ACACB: variants seen among roughly 807,000 people sequenced by gnomAD.
The protein encoded by ACACB is acetyl-CoA carboxylase 2.
A neutral mutation model predicts 278.8 loss-of-function variants in ACACB; 209 were observed. That is an observed-to-expected ratio of 0.75 (90% CI 0.67 to 0.84). ACACB has a LOEUF of 0.84. Among genes scored for constraint, ACACB ranks in the 40% least tolerant of loss-of-function variants. The pLI is 0.00. For synonymous variants in ACACB, 1,174 were observed against 1,285.6 expected, an observed-to-expected ratio of 0.91 and a Z score of 1.86; for missense variants, 2,850 against 3,269.0, an observed-to-expected ratio of 0.87 and a Z score of 3.13.
At chr12:109,133,902 T>C in intron 1 of ACACB, among the ~76,000 whole-genome samples, 1 of 100,504 alleles carries the variant, frequency 9.9e-6, no homozygotes, top group South Asian at 3.2e-4. Flanking sequence ...AGCACACAGG[T>C]TTTTTTTTTT....
intron 24 of ACACB, 51 bp from the exon 25 acceptor site, chr12:109,222,456 G>A (rs367658350): frequency 1.3e-6 from 2 of 1,559,900 alleles, no homozygotes; most frequent in African/African-American, 2.7e-5. Context: ...AGTGCTGCAT[G>A]TTTCCCTGGG....
At chr12:109,166,598 C>T (rs916146701) in intron 2 of ACACB, among the ~76,000 whole-genome samples, 1 of 135,046 alleles carries the variant, frequency 7.4e-6, no homozygotes, top group African/African-American at 2.7e-5. Context: ...TGCAGCGAGC[C>T]ACGATTGCAC....
At chr12:109,233,634 T>C (rs1400278476) in intron 29 of ACACB, 114 bp from the exon 30 acceptor site, 7 of 834,754 alleles carry the variant, frequency 8.4e-6, no homozygotes, top group African/African-American at 1.7e-5. Flanking sequence ...GATCAAAGGG[T>C]GTTGGCTGGG....
intron 28 of ACACB, 66 bp from the exon 29 acceptor site, chr12:109,232,603 A>G (rs2046504552): frequency 6.4e-7 from 1 of 1,562,132 alleles, no homozygotes; most frequent in Non-Finnish European, 8.7e-7. Flanking sequence ...CTTCAGGAGT[A>G]GGAGCAGCTC....
intron 17 of ACACB, 142 bp downstream of exon 17, chr12:109,197,295 G>A: frequency 9.3e-7 from 1 of 1,077,988 alleles, no homozygotes; most frequent in Non-Finnish European, 1.3e-6. Context: ...GGTGTGCAGA[G>A]AAGTTAATCT....
At chr12:109,160,174 C>A (rs1593432230) in intron 2 of ACACB, among the ~76,000 whole-genome samples, 2 of 151,520 alleles carry the variant, frequency 1.3e-5, no homozygotes. Flanking sequence ...ATATAAGAGG[C>A]CATATGTGTA....
Position 109,168,012 on chromosome 12 carries a change from C to G in ACACB, c.903C>G (p.Pro301=). ...RAIRFVVMVT[P]EDLKANAEYI... ...TCCGGTTTGTTGTGATGGTGACCCCCGAGGACCTTAAGGCCAACGCAGGTA... is the reference window on the plus strand; with the variant it reads ...TCCGGTTTGTTGTGATGGTGACCCCGGAGGACCTTAAGGCCAACGCAGGTA... The change falls in exon 4 of 53, where the codon CCC becomes CCG. Residue 301 remains proline (P), a synonymous_variant. Coordinates refer to ENST00000338432, the MANE Select transcript of ACACB (RefSeq NM_001093.4). 6.2e-7 allele frequency: 1 copy of G among 1,612,876 alleles called. No individual in the cohort carries two copies. The highest frequency in any genetic ancestry group is 8.5e-7 in the Non-Finnish European group (1 of 1,179,348).
intron 16 of ACACB, among the ~76,000 whole-genome samples, chr12:109,194,511 C>CGCGTGTGT (rs529461816): frequency 1.8e-5 from 1 of 54,282 alleles, no homozygotes; most frequent in Non-Finnish European, 3.8e-5. Flanking sequence ...TCTGTGTGTG[C>CGCGTGTGT]ATGTGTGTGT....
intron 11 of ACACB, among the ~76,000 whole-genome samples, chr12:109,183,163 A>G (rs2044537749): frequency 6.6e-6 from 1 of 152,048 alleles, no homozygotes; most frequent in South Asian, 2.1e-4. Flanking sequence ...TGTCAGTACC[A>G]CCCTGTTTTG....
At chr12:109,147,862 A>G (rs1032670077) in intron 2 of ACACB, among the ~76,000 whole-genome samples, 6 of 152,214 alleles carry the variant, frequency 3.9e-5, no homozygotes, top group African/African-American at 1.4e-4. Flanking sequence ...TAATTAATTA[A>G]CAGGTGAATA....
rs146058094 is a variant in ACACB at position 109,222,849 on chromosome 12, G to A, written c.3729G>A (p.Val1243=). Reference sequence around the variant, plus strand: ...CCTACGAGCTGCGGCATAACCAGGTGGAGTCCATTTTCCTGTCTGCCATTG... The same window carrying A: ...CCTACGAGCTGCGGCATAACCAGGTAGAGTCCATTTTCCTGTCTGCCATTG... ...LPSYELRHNQ[V]ESIFLSAIDM... Residue 1243 remains valine (V), a synonymous_variant, in exon 26 of 53, where the codon GTG becomes GTA. Transcript: ENST00000338432. The A allele has an allele frequency of 4.2e-4, 676 of 1,613,824 alleles. 1 individual carries two copies. Among genetic ancestry groups the A allele is most frequent in the Non-Finnish European group, 5.4e-4 (633 of 1,179,964 alleles).
At chr12:109,133,859 ATATATTTTTTTT>A (rs1434748741) in intron 1 of ACACB, among the ~76,000 whole-genome samples, 23 of 48,246 alleles carry the variant, frequency 4.8e-4, no homozygotes, top group African/African-American at 2.1e-3. Context: ...ATATATATAT[ATATATTTTTTTT>A]TTTTTTTTTT....
Position 109,265,271 on chromosome 12 carries a change from G to C in ACACB, c.7104G>C (p.Gly2368=), listed in dbSNP as rs2047485201. 2 of 1,612,778 alleles carry C rather than the reference G, an allele frequency of 1.2e-6. No homozygotes were observed. Among genetic ancestry groups the C allele is most frequent in the Non-Finnish European group, 1.7e-6 (2 of 1,179,924 alleles). ...MLRRWFVETE[G]AVKAYLWDNN... is the part of the protein sequence containing the mutation. Reference sequence around the variant, plus strand: ...GTCGCTGGTTCGTGGAGACGGAGGGGGCTGTCAAGGTGGGCCTGGGGTGAG... The same window carrying C: ...GTCGCTGGTTCGTGGAGACGGAGGGCGCTGTCAAGGTGGGCCTGGGGTGAG... Residue 2368 remains glycine, a synonymous_variant, in exon 51 of 53, where the codon GGG becomes GGC. Transcript: ENST00000338432.
At chr12:109,259,335 G>A (rs1446281794) in intron 47 of ACACB, among the ~76,000 whole-genome samples, 1 of 152,176 alleles carries the variant, frequency 6.6e-6, no homozygotes, top group Non-Finnish European at 1.5e-5. Flanking sequence ...TGCTTTGGGA[G>A]GCCAAGGCAG....
Position 109,232,779 on chromosome 12 carries a change from C to T in ACACB, c.4112C>T (p.Ala1371Val). ...PLCQRMGAMV[A>V]FRRFEDFTRN... ...TGCCAGCGCATGGGAGCCATGGTAGCCTTCAGGAGATTCGAGGACTTCACC... is the reference window on the plus strand; with the variant it reads ...TGCCAGCGCATGGGAGCCATGGTAGTCTTCAGGAGATTCGAGGACTTCACC... Residue 1371 changes from alanine (A) to valine (V), a missense_variant, in exon 29 of 53, where the codon GCC (alanine) becomes GTC (valine). Coordinates refer to ENST00000338432, the MANE Select transcript of ACACB (RefSeq NM_001093.4). The T allele has an allele frequency of 6.2e-7, 1 of 1,614,130 alleles. No homozygotes were observed. The highest frequency in any genetic ancestry group is 8.5e-7 in the Non-Finnish European group (1 of 1,180,032).
rs750352442 is a variant in ACACB at position 109,185,679 on chromosome 12, A to G, written c.1919A>G (p.Asn640Ser). 1 of 1,611,548 alleles carries G rather than the reference A, an allele frequency of 6.2e-7. No individual in the cohort carries two copies. The highest frequency in any genetic ancestry group is 8.5e-7 in the Non-Finnish European group (1 of 1,179,138). ...CCCATTTCTTTTGAAACCCCCTCAA[A>G]CCCTCCCCTCGCCCGAGGCCACGTC... The part of the protein sequence containing the change: ...VTPISFETPS[N>S]PPLARGHVIA... The change falls in exon 12 of 53, where the codon AAC (asparagine) becomes AGC (serine). Residue 640 changes from asparagine to serine, a missense_variant. Asn to Ser is a conservative substitution (Grantham distance 46). Coordinates refer to ENST00000338432, the MANE Select transcript of ACACB (RefSeq NM_001093.4).
intron 22 of ACACB, among the ~76,000 whole-genome samples, chr12:109,213,149 C>T (rs917088656): frequency 6.6e-6 from 1 of 152,170 alleles, no homozygotes; most frequent in Admixed American, 6.6e-5. Context: ...CTGCAACCTC[C>T]GCCTCCCAGG....
intron 1 of ACACB, among the ~76,000 whole-genome samples, chr12:109,132,314 A>C (rs1363652073): frequency 6.6e-6 from 1 of 151,810 alleles, no homozygotes; most frequent in Non-Finnish European, 1.5e-5. Context: ...ACAGGCGTGC[A>C]CCACCACGCC....
chr12:109,256,237 G>A lies in ACACB; in HGVS notation c.6263+1G>A, dbSNP rs2047221071. 2 of 1,613,562 alleles carry A rather than the reference G, an allele frequency of 1.2e-6. No homozygotes were observed. Among genetic ancestry groups the A allele is most frequent in the African/African-American group, 1.3e-5 (1 of 74,936 alleles). On this transcript the variant is annotated splice_donor_variant, in intron 45 of 52. Coordinates refer to ENST00000338432, the MANE Select transcript of ACACB (RefSeq NM_001093.4). LOFTEE classifies it high-confidence loss of function. ...AGACCGTGGTGACAGGACGAGCAAG[G>A]TAATCATGAAGACGGGAGCAGGCTG...
Sources: allele counts gnomAD v4.1 joint callset (sites outside exome capture counted in the v4.1 genomes callset), GRCh38; gene constraint gnomAD v4.1.1; transcripts MANE v1.5; gene names NCBI Gene and HGNC (gene_info 2026-07-23, HGNC 2026-07-21).